Variants in USH2A observed in about 807,000 individuals in gnomAD.
USH2A encodes Usher syndrome 2A (autosomal recessive, mild).
Under a neutral mutation model 538.9 loss-of-function variants are expected in USH2A, and 443 were observed. The observed-to-expected ratio is 0.82, with a 90% CI of 0.76 to 0.89. The LOEUF (loss-of-function observed/expected upper bound fraction) is 0.89. Among genes scored for constraint, USH2A ranks in the 40% least tolerant of loss-of-function variants. The pLI is 0.00. For missense variants in USH2A, 6,633 were observed against 6,324.8 expected (o/e 1.05, Z -1.65); for synonymous variants, 2,413 against 2,273.5 (o/e 1.06, Z -1.75).
chr1:215,934,694 A>G lies in USH2A; in HGVS notation c.7222T>C (p.Tyr2408His). Residue 2408 changes from tyrosine (Y) to histidine (H), a missense_variant, in exon 38 of 72, where the codon TAT (tyrosine) becomes CAT (histidine). Transcript: ENST00000307340. The part of the protein sequence containing the change: ...LIDGLVPFTN[Y>H]TVQVNISNSQ... ...TTTGAAATATTCACTTGTACAGTAT[A>G]GTTGGTAAAAGGAACCAGCCCATCG... 6.2e-7 allele frequency: 1 copy of G among 1,612,880 alleles called. No homozygotes were observed. Among genetic ancestry groups the G allele is most frequent in the Non-Finnish European group, 8.5e-7 (1 of 1,179,162 alleles).
intron 44 of USH2A, among the ~76,000 whole-genome samples, chr1:215,856,665 T>A (rs1179532988): frequency 1.3e-5 from 2 of 152,066 alleles, no homozygotes; most frequent in Non-Finnish European, 2.9e-5. Flanking sequence ...AAAAGTAGAT[T>A]TACCATTTGA....
intron 10 of USH2A, among the ~76,000 whole-genome samples, chr1:216,290,506 T>G (rs901226163): frequency 6.6e-6 from 1 of 152,132 alleles, no homozygotes; most frequent in African/African-American, 2.4e-5. Flanking sequence ...CAATACCCAT[T>G]GCATCTCTTT....
chr1:215,891,871 T>A (rs1417372390), intron 40 of USH2A, among the ~76,000 whole-genome samples: 1 of 152,022 alleles, frequency 6.6e-6, no homozygotes, highest in South Asian at 2.1e-4. Context: ...TCTCCGTGGG[T>A]GTAATTGTTT....
intron 37 of USH2A, among the ~76,000 whole-genome samples, chr1:215,960,848 A>G (rs968451621): frequency 1.3e-5 from 2 of 152,068 alleles, no homozygotes; most frequent in African/African-American, 4.8e-5. Flanking sequence ...TATTACCAAA[A>G]TCTTCCCTTA....
chr1:216,007,639 T>C (rs1668431973), intron 32 of USH2A, among the ~76,000 whole-genome samples: 1 of 152,182 alleles, frequency 6.6e-6, no homozygotes, highest in Non-Finnish European at 1.5e-5. Context: ...CAGAAAACCT[T>C]GTAAAGATTT....
At chr1:215,647,893 G>C (rs957224358) in intron 66 of USH2A, among the ~76,000 whole-genome samples, 163 bp from the exon 67 acceptor site, 1 of 152,180 alleles carries the variant, frequency 6.6e-6, no homozygotes. Context: ...AACACCTTAT[G>C]TAATGCTATT....
intron 47 of USH2A, among the ~76,000 whole-genome samples, chr1:215,821,215 T>C (rs1030278734): frequency 1.3e-4 from 19 of 151,706 alleles, no homozygotes; most frequent in African/African-American, 4.3e-4. Flanking sequence ...ACAGTGTAAA[T>C]AGAGTTCCCC....
At chr1:216,225,341 T>C (rs1390566159) in intron 14 of USH2A, among the ~76,000 whole-genome samples, 2 of 152,218 alleles carry the variant, frequency 1.3e-5, no homozygotes, top group African/African-American at 2.4e-5. Context: ...GCAATTCTCA[T>C]TGTCACATTT....
chr1:216,011,974 T>A lies in USH2A; in HGVS notation c.6326-11412A>T, dbSNP rs1304517158. 1.1e-4 allele frequency among the ~76,000 whole-genome samples: 2 copies of A among 17,964 alleles called. 1 individual carries two copies. Among genetic ancestry groups the A allele is most frequent in the African/African-American group, 7.4e-4 (2 of 2,694 alleles). 11.8% of individuals were successfully genotyped at this position (17,964 alleles called of 152,430 possible). ...TTCCTCAGCCTGATCACGCTTGATTTTTTTTTTTTTTTTTTTTTTTTTTGA... is the reference window on the plus strand; with the variant it reads ...TTCCTCAGCCTGATCACGCTTGATTATTTTTTTTTTTTTTTTTTTTTTTGA... On this transcript the variant is annotated intron_variant, in intron 32 of 71. Coordinates refer to ENST00000307340, the MANE Select transcript of USH2A (RefSeq NM_206933.4).
chr1:216,198,292 G>T (rs2034897549), intron 18 of USH2A, 23 bp downstream of exon 18: 2 of 1,613,504 alleles, frequency 1.2e-6, no homozygotes, highest in East Asian at 2.2e-5. Flanking sequence ...TTTAAAAGTA[G>T]AATTTAAAAC....
intron 21 of USH2A, among the ~76,000 whole-genome samples, chr1:216,149,458 T>C (rs1299800631): frequency 1.3e-5 from 2 of 152,156 alleles, no homozygotes; most frequent in East Asian, 1.9e-4. Context: ...AACGGACTAA[T>C]GGTCTTTTAA....
At chr1:216,005,784 A>C (rs1352257337) in intron 32 of USH2A, among the ~76,000 whole-genome samples, 1 of 152,108 alleles carries the variant, frequency 6.6e-6, no homozygotes, top group Admixed American at 6.6e-5. Flanking sequence ...AGAAACAATA[A>C]AAAAAATAAA....
chr1:215,642,810 A>G (rs910767013), intron 67 of USH2A, among the ~76,000 whole-genome samples: 1 of 151,818 alleles, frequency 6.6e-6, no homozygotes, highest in Non-Finnish European at 1.5e-5. Flanking sequence ...ACTGATAAGC[A>G]CTTCAAATCA....
At chr1:216,012,574 C>A (rs1056298471) in intron 32 of USH2A, among the ~76,000 whole-genome samples, 2 of 152,110 alleles carry the variant, frequency 1.3e-5, no homozygotes, top group African/African-American at 4.8e-5. Flanking sequence ...ACAGACCAGC[C>A]TTTATTAGCC....
rs1181014799 is a variant in USH2A at position 216,264,641 on chromosome 1, A to G, written c.1972-13543T>C. On this transcript the variant is annotated intron_variant, in intron 11 of 71. Coordinates refer to ENST00000307340, the MANE Select transcript of USH2A (RefSeq NM_206933.4). ...ACAAAGTCACCTGTTCAAAAAGAGC[A>G]AGACTGAGGATATCATACTACTTAA... Among the ~76,000 whole-genome samples the G allele has an allele frequency of 3.3e-5, 5 of 152,154 alleles. No homozygotes were observed. The East Asian group carries it at 9.6e-4, about 29-fold the overall frequency.
At chr1:216,218,963 C>CAATAAGAG (rs2035398926) in intron 14 of USH2A, among the ~76,000 whole-genome samples, 1 of 147,608 alleles carries the variant, frequency 6.8e-6, no homozygotes, top group Admixed American at 6.9e-5. Flanking sequence ...TGAGCATAAA[C>CAATAAGAG]AATAAGAGAA....
intron 4 of USH2A, among the ~76,000 whole-genome samples, chr1:216,331,358 C>T (rs1354451267): frequency 6.6e-6 from 1 of 152,052 alleles, no homozygotes; most frequent in African/African-American, 2.4e-5. Context: ...AGGAAATAGA[C>T]ATGACTCATA....
chr1:216,249,281 G>C (rs1054439912), intron 12 of USH2A, among the ~76,000 whole-genome samples: 1 of 151,886 alleles, frequency 6.6e-6, no homozygotes, highest in Non-Finnish European at 1.5e-5. Context: ...AAACCATCTG[G>C]ATCAATCAAC....
rs75705773 is a variant in USH2A at position 215,659,447 on chromosome 1, C to T, written c.14134-8646G>A. Among the ~76,000 whole-genome samples the T allele has an allele frequency of 4.6e-5, 7 of 152,244 alleles. No individual in the cohort carries two copies. The East Asian group carries it at 1.4e-3, about 29-fold the overall frequency. On this transcript the variant is annotated intron_variant, in intron 64 of 71. Coordinates refer to ENST00000307340, the MANE Select transcript of USH2A (RefSeq NM_206933.4). ...CATGGAACTAGAGAGGAGTTTGCAT[C>T]TTATGGAATGGGGGAAGTAGGGTTT... is the stretch of plus-strand genomic sequence containing the variant.
Sources: allele counts gnomAD v4.1 joint callset (sites outside exome capture counted in the v4.1 genomes callset), GRCh38; gene constraint gnomAD v4.1.1; transcripts MANE v1.5; gene names NCBI Gene and HGNC (gene_info 2026-07-23, HGNC 2026-07-21).